FRMD4A: variants seen among roughly 807,000 people sequenced by gnomAD.
FRMD4A encodes the protein FERM domain-containing protein 4A.
A neutral mutation model predicts 129.1 loss-of-function variants in FRMD4A; 29 were observed. The observed-to-expected ratio is 0.22, with a 90% CI of 0.17 to 0.31. The LOEUF (loss-of-function observed/expected upper bound fraction) is 0.31. Ranked by LOEUF, FRMD4A falls within the 10% of genes least tolerant of loss-of-function variation. The probability of loss-of-function intolerance (pLI) is 1.00; values close to 1 mark genes in which losing one functional copy is unlikely to be tolerated. For missense variants in FRMD4A, 1,272 were observed against 1,375.8 expected, an observed-to-expected ratio of 0.92 and a Z score of 1.19; for synonymous variants, 634 against 571.6, an observed-to-expected ratio of 1.11 and a Z score of -1.56.
Position 13,703,614 on chromosome 10 carries a change from A to G in FRMD4A, c.837-2136T>C, listed in dbSNP as rs147528163. On this transcript the variant is annotated intron_variant, in intron 13 of 24. Transcript: ENST00000357447. The stretch of plus-strand genomic sequence containing the variant: ...GGAGGGGCTGAGCCCGGAACACCAA[A>G]CTAACGTGAGGCCAATCACATTCCT... Among the ~76,000 whole-genome samples the G allele has an allele frequency of 3.6e-3, 543 of 152,334 alleles. 2 individuals carry two copies. Among genetic ancestry groups the G allele is most frequent in the African/African-American group, 0.012 (502 of 41,580 alleles).
chr10:14,283,989 C>A (rs558405217), intron 2 of FRMD4A, among the ~76,000 whole-genome samples: 3 of 141,470 alleles, frequency 2.1e-5, no homozygotes, highest in Admixed American at 7.3e-5. Flanking sequence ...AAGTAACTTG[C>A]TCACGGTCAA....
chr10:13,655,578 GCC>G (rs1467575496), intron 22 of FRMD4A: 30 of 152,082 alleles, frequency 2.0e-4, no homozygotes, highest in African/African-American at 6.8e-4. Context: ...GGGATAGAAT[GCC>G]AGAGCCTGGC....
At chr10:13,694,122 C>T (rs796322826) in intron 14 of FRMD4A, 83 bp from the exon 15 acceptor site, 31 of 1,157,892 alleles carry the variant, frequency 2.7e-5, no homozygotes, top group Admixed American at 8.3e-5. Context: ...GCCTGCTCAC[C>T]GTCTTGACAT....
At chr10:14,297,594 G>C (rs1208646461) in intron 2 of FRMD4A, among the ~76,000 whole-genome samples, 2 of 152,064 alleles carry the variant, frequency 1.3e-5, no homozygotes, top group Non-Finnish European at 2.9e-5. Context: ...GGGTATCCTG[G>C]GTCCTCCTGA....
At chr10:13,843,797 C>T (rs555348375) in intron 3 of FRMD4A, among the ~76,000 whole-genome samples, 7 of 152,348 alleles carry the variant, frequency 4.6e-5, no homozygotes, top group African/African-American at 1.7e-4. Flanking sequence ...CTGCACCCAG[C>T]CCCTTTCCTG....
chr10:13,707,763 A>G (rs762153006), intron 12 of FRMD4A: 1 of 985,454 alleles, frequency 1.0e-6, no homozygotes, highest in Non-Finnish European at 1.2e-6. Context: ...AGCACAAAGA[A>G]AACCAAGAGT....
chr10:13,734,036 G>C (rs993506910), intron 12 of FRMD4A, among the ~76,000 whole-genome samples: 1 of 152,154 alleles, frequency 6.6e-6, no homozygotes, highest in Admixed American at 6.6e-5. Flanking sequence ...CGCGTTGCAT[G>C]TCCTAAGCTG....
In FRMD4A at chr10:14,211,369, T is replaced by C. The variant is rs148873286; in HGVS notation, c.45+118689A>G. On this transcript the variant is annotated intron_variant, in intron 2 of 24. Coordinates refer to ENST00000357447, the MANE Select transcript of FRMD4A (RefSeq NM_018027.5). ...GTTCCTGATTCAGTGAGAGGCAGATTCTGGGTTTGAAGTCACGTGGGTCTG... is the reference window on the plus strand; with the variant it reads ...GTTCCTGATTCAGTGAGAGGCAGATCCTGGGTTTGAAGTCACGTGGGTCTG... Among the ~76,000 whole-genome samples, 26 of 152,254 alleles carry C rather than the reference T, an allele frequency of 1.7e-4. No homozygotes were observed. In the South Asian group the frequency reaches 4.6e-3, roughly 27 times the overall value.
chr10:14,174,534 GTTCATTCA>G (rs3033997), intron 2 of FRMD4A, among the ~76,000 whole-genome samples: 23 of 150,514 alleles, frequency 1.5e-4, no homozygotes, highest in African/African-American at 2.4e-4. Flanking sequence ...GCGTTTGTTC[GTTCATTCA>G]TTCATTCATT....
chr10:13,840,530 T>C (rs1564891301), intron 3 of FRMD4A, among the ~76,000 whole-genome samples: 1 of 152,318 alleles, frequency 6.6e-6, no homozygotes, highest in African/African-American at 2.4e-5. Context: ...GGCTCATGTC[T>C]GTAATCCCAG....
At chr10:13,985,286 C>T (rs2095576989) in intron 2 of FRMD4A, among the ~76,000 whole-genome samples, 2 of 152,228 alleles carry the variant, frequency 1.3e-5, no homozygotes, top group Admixed American at 1.3e-4. Context: ...GATCTGCTCA[C>T]TGGGACCCTG....
intron 2 of FRMD4A, among the ~76,000 whole-genome samples, chr10:13,994,710 A>G (rs1328020790): frequency 6.6e-6 from 1 of 152,166 alleles, no homozygotes; most frequent in Non-Finnish European, 1.5e-5. Context: ...ATACAGACAT[A>G]TGTATTTTTT....
intron 2 of FRMD4A, chr10:14,327,064 G>A (rs1843306895): frequency 2.5e-6 from 1 of 397,950 alleles, no homozygotes; most frequent in South Asian, 1.3e-4. Context: ...AGATGGTCCA[G>A]GCATGCTTAC....
intron 13 of FRMD4A, among the ~76,000 whole-genome samples, chr10:13,703,007 C>G (rs562038498): frequency 6.6e-6 from 1 of 151,786 alleles, no homozygotes; most frequent in African/African-American, 2.4e-5. Flanking sequence ...GGAGATCCCT[C>G]GCCAGTCTCT....
chr10:14,044,724 T>C (rs1191416099), intron 2 of FRMD4A, among the ~76,000 whole-genome samples: 1 of 152,250 alleles, frequency 6.6e-6, no homozygotes, highest in African/African-American at 2.4e-5. Context: ...AACAGATTTC[T>C]GTTGTTTTAA....
At chr10:13,751,960 G>A (rs745964078) in intron 8 of FRMD4A, among the ~76,000 whole-genome samples, 5 of 152,132 alleles carry the variant, frequency 3.3e-5, no homozygotes, top group Admixed American at 3.3e-4. Flanking sequence ...ACATTAGAGT[G>A]AGCTATGACC....
chr10:14,094,194 C>T (rs530612322), intron 2 of FRMD4A, among the ~76,000 whole-genome samples: 2 of 152,336 alleles, frequency 1.3e-5, no homozygotes, highest in East Asian at 3.9e-4. Flanking sequence ...AGGACTGTTC[C>T]CTTTGATTCC....
intron 6 of FRMD4A, among the ~76,000 whole-genome samples, chr10:13,765,114 G>T (rs78265989): frequency 0.26 from 27,271 of 105,424 alleles, 4,149 homozygotes; most frequent in Non-Finnish European, 0.35. Flanking sequence ...TTTTTTTTTT[G>T]TTTTTTTTTT....
At chr10:13,941,445 C>G (rs960326837) in intron 2 of FRMD4A, among the ~76,000 whole-genome samples, 1 of 152,188 alleles carries the variant, frequency 6.6e-6, no homozygotes, top group Non-Finnish European at 1.5e-5. Context: ...TGTAAACGGA[C>G]TAATACAGTG....
Sources: allele counts gnomAD v4.1 joint callset (sites outside exome capture counted in the v4.1 genomes callset), GRCh38; gene constraint gnomAD v4.1.1; transcripts MANE v1.5; gene names NCBI Gene and HGNC (gene_info 2026-07-23, HGNC 2026-07-21).